The following SLC14A2 variants were observed in gnomAD, a reference collection of about 807,000 sequenced individuals.
The protein encoded by SLC14A2 is urea transporter 2.
SLC14A2 carries 91 observed loss-of-function variants against 104.6 expected under a neutral mutation model. The observed-to-expected ratio is 0.87, with a 90% CI of 0.73 to 1.04. The LOEUF is 1.04. Ranked by LOEUF, SLC14A2 falls within the 50% of genes least tolerant of loss-of-function variation. SLC14A2 has a pLI of 0.00. For synonymous variants in SLC14A2, 476 were observed against 466.4 expected, an observed-to-expected ratio of 1.02 and a Z score of -0.27; for missense variants, 1,189 against 1,156.0, an observed-to-expected ratio of 1.03 and a Z score of -0.41.
intron 1 of SLC14A2, among the ~76,000 whole-genome samples, chr18:45,445,065 T>C (rs2086743245): frequency 6.7e-6 from 1 of 150,256 alleles, no homozygotes; most frequent in South Asian, 2.1e-4. Context: ...GGTAAGGGAG[T>C]AAATGTGCAG....
chr18:45,524,792 A>G (rs1177921512), intron 2 of SLC14A2, among the ~76,000 whole-genome samples: 1 of 152,130 alleles, frequency 6.6e-6, no homozygotes, highest in South Asian at 2.1e-4. Context: ...CAGCTGCTCC[A>G]TATGAAAAAT....
intron 2 of SLC14A2, among the ~76,000 whole-genome samples, chr18:45,498,393 C>G (rs914125727): frequency 1.1e-4 from 17 of 152,318 alleles, no homozygotes; most frequent in African/African-American, 4.1e-4. Context: ...GCAAAACAGA[C>G]AGGGAAGGGC....
intron 1 of SLC14A2, among the ~76,000 whole-genome samples, chr18:45,470,891 C>T (rs2543006): frequency 0.22 from 33,562 of 151,912 alleles, 4,038 homozygotes; most frequent in Non-Finnish European, 0.27. Flanking sequence ...CTTCTCATTC[C>T]CTTCAACTTC....
chr18:45,575,440 C>T (rs1380999175), intron 2 of SLC14A2, among the ~76,000 whole-genome samples: 6 of 152,186 alleles, frequency 3.9e-5, no homozygotes, highest in Admixed American at 3.9e-4. Context: ...AAGCATCCTA[C>T]AGGGTTTTCA....
At chr18:45,409,578 G>A (rs1226256114) in intron 1 of SLC14A2, among the ~76,000 whole-genome samples, 1 of 152,144 alleles carries the variant, frequency 6.6e-6, no homozygotes, top group Non-Finnish European at 1.5e-5. Context: ...AGTTTCACAA[G>A]ACGACATTTC....
At chr18:45,405,184 G>C (rs1207206613) in intron 1 of SLC14A2, among the ~76,000 whole-genome samples, 1 of 152,196 alleles carries the variant, frequency 6.6e-6, no homozygotes, top group Non-Finnish European at 1.5e-5. Flanking sequence ...AGAGCCGTCT[G>C]AGAATGTGGA....
intron 1 of SLC14A2, among the ~76,000 whole-genome samples, chr18:45,384,657 T>TC (rs1290397391): frequency 1.2e-4 from 18 of 151,424 alleles, no homozygotes; most frequent in Admixed American, 1.3e-4. Flanking sequence ...TCAGTGCCTC[T>TC]CCCCCCGACA....
At chr18:45,223,862 G>A (rs2084087837) in intron 1 of SLC14A2, among the ~76,000 whole-genome samples, 1 of 152,146 alleles carries the variant, frequency 6.6e-6, no homozygotes, top group African/African-American at 2.4e-5. Context: ...GGCAACTCCA[G>A]GGAAACAGGC....
At chr18:45,259,026 C>T (rs909817666) in intron 1 of SLC14A2, among the ~76,000 whole-genome samples, 1 of 152,212 alleles carries the variant, frequency 6.6e-6, no homozygotes, top group African/African-American at 2.4e-5. Context: ...GGCACACTCA[C>T]ACGTGGATTT....
chr18:45,589,581 G>A (rs937260044), intron 2 of SLC14A2, among the ~76,000 whole-genome samples: 1 of 152,158 alleles, frequency 6.6e-6, no homozygotes, highest in African/African-American at 2.4e-5. Context: ...ACATTCCAAA[G>A]ATTCATAGTC....
chr18:45,474,850 T>G (rs2144677956), intron 1 of SLC14A2, among the ~76,000 whole-genome samples: 1 of 152,338 alleles, frequency 6.6e-6, no homozygotes, highest in Non-Finnish European at 1.5e-5. Context: ...ATTAATTTTT[T>G]GAAGGGTTTT....
At chr18:45,462,534 G>A (rs1395011786) in intron 1 of SLC14A2, among the ~76,000 whole-genome samples, 2 of 152,246 alleles carry the variant, frequency 1.3e-5, no homozygotes, top group African/African-American at 4.8e-5. Flanking sequence ...GAGAAAGAGT[G>A]TAGTCAGGGA....
chr18:45,382,842 T>C (rs772893013), intron 1 of SLC14A2, among the ~76,000 whole-genome samples: 1 of 152,222 alleles, frequency 6.6e-6, no homozygotes. Flanking sequence ...TCATGGGCAG[T>C]ATATGGGAGA....
At chr18:45,580,078 C>T (rs2044467673) in intron 2 of SLC14A2, among the ~76,000 whole-genome samples, 1 of 152,068 alleles carries the variant, frequency 6.6e-6, no homozygotes, top group South Asian at 2.1e-4. Flanking sequence ...TTATAAGAGC[C>T]ACAATACCTC....
chr18:45,282,944 A>G (rs2084777812), intron 1 of SLC14A2, among the ~76,000 whole-genome samples: 1 of 152,220 alleles, frequency 6.6e-6, no homozygotes, highest in African/African-American at 2.4e-5. Context: ...AATCATTTGT[A>G]AAATATGCGT....
intron 1 of SLC14A2, among the ~76,000 whole-genome samples, chr18:45,417,717 A>G (rs1156546266): frequency 1.3e-5 from 2 of 152,184 alleles, no homozygotes; most frequent in Non-Finnish European, 2.9e-5. Context: ...ACCTTTTATC[A>G]TCGTTATTGT....
the SLC14A2 span, among the ~76,000 whole-genome samples, chr18:45,203,538 G>A: frequency 6.6e-6 from 1 of 152,160 alleles, no homozygotes; most frequent in Non-Finnish European, 1.5e-5. Context: ...AACACTGTGT[G>A]TGTGTATGTA....
intron 1 of SLC14A2, among the ~76,000 whole-genome samples, chr18:45,243,018 T>C (rs1217932582): frequency 6.6e-6 from 1 of 152,216 alleles, no homozygotes; most frequent in African/African-American, 2.4e-5. Context: ...GAGCTCCTTG[T>C]ATAAGTATCA....
intron 1 of SLC14A2, among the ~76,000 whole-genome samples, chr18:45,435,770 G>T (rs1369906231): frequency 6.6e-6 from 1 of 152,180 alleles, no homozygotes; most frequent in Non-Finnish European, 1.5e-5. Flanking sequence ...CTAGGGTGAA[G>T]ATACAAAAAG....
Sources: gnomAD v4.1 joint callset for allele counts (sites outside exome capture counted in the v4.1 genomes callset) on GRCh38, gnomAD v4.1.1 for gene constraint, MANE v1.5 for transcripts, NCBI Gene and HGNC (gene_info 2026-07-23, HGNC 2026-07-21) for gene names.